The following EEPD1 variants were observed in gnomAD, a reference collection of about 807,000 sequenced individuals.
EEPD1 encodes endonuclease/exonuclease/phosphatase family domain-containing protein 1.
In EEPD1, 17 loss-of-function variants were observed where a neutral mutation model predicts 46.3. The observed-to-expected ratio is 0.37, with a 90% CI of 0.25 to 0.55. EEPD1 has a LOEUF of 0.55. Among genes scored for constraint, EEPD1 ranks in the 20% least tolerant of loss-of-function variants. The probability of loss-of-function intolerance (pLI) is 0.83; values close to 1 mark genes in which losing one functional copy is unlikely to be tolerated. For synonymous variants in EEPD1, 313 were observed against 315.6 expected, an observed-to-expected ratio of 0.99 and a Z score of 0.09; for missense variants, 673 against 745.6, an observed-to-expected ratio of 0.90 and a Z score of 1.13.
chr7:36,173,759 A>G (rs1462517090), intron 2 of EEPD1, among the ~76,000 whole-genome samples: 1 of 152,188 alleles, frequency 6.6e-6, no homozygotes, highest in Non-Finnish European at 1.5e-5. Flanking sequence ...GAGGAAGAAC[A>G]TGGCTTGAGA....
intron 3 of EEPD1, among the ~76,000 whole-genome samples, chr7:36,279,495 C>A (rs1018972247): frequency 2.0e-5 from 3 of 152,186 alleles, no homozygotes; most frequent in African/African-American, 7.2e-5. Context: ...ACAAATAAAG[C>A]AATGTGAGGG....
chr7:36,171,660 C>CT (rs2115629464), intron 2 of EEPD1, among the ~76,000 whole-genome samples: 1 of 152,306 alleles, frequency 6.6e-6, no homozygotes, highest in South Asian at 2.1e-4. Context: ...CAAAATAGAT[C>CT]TTTATCTTTG....
In EEPD1 at chr7:36,284,678, C is replaced by T. The variant is rs372044928; in HGVS notation, c.1042-8C>T. Reference sequence around the variant, plus strand: ...GGCACCAAGACTCTGTCTCCCTCTCCGCTGCAGGGAGCTGGGTATGCAGGA... The same window carrying T: ...GGCACCAAGACTCTGTCTCCCTCTCTGCTGCAGGGAGCTGGGTATGCAGGA... On this transcript the variant is annotated splice_region_variant and splice_polypyrimidine_tract_variant and intron_variant, in intron 4 of 7. Coordinates refer to ENST00000242108, the MANE Select transcript of EEPD1 (RefSeq NM_030636.3). 39 of 1,610,068 alleles carry T rather than the reference C, an allele frequency of 2.4e-5. No homozygotes were observed. The highest frequency in any genetic ancestry group is 1.6e-4 in the East Asian group (7 of 44,338).
At chr7:36,168,632 C>T (rs1171046655) in intron 2 of EEPD1, among the ~76,000 whole-genome samples, 1 of 149,474 alleles carries the variant, frequency 6.7e-6, no homozygotes, top group Non-Finnish European at 1.5e-5. Flanking sequence ...GTGGCAGGCA[C>T]CTGCAGTCCC....
intron 2 of EEPD1, among the ~76,000 whole-genome samples, chr7:36,187,999 T>C (rs1785391679): frequency 6.6e-6 from 1 of 152,180 alleles, no homozygotes; most frequent in Non-Finnish European, 1.5e-5. Context: ...GGTTTCACCA[T>C]GTTGGTCAGG....
chr7:36,299,130 G>C lies in EEPD1; in HGVS notation c.1634G>C (p.Ser545Thr). 1 of 1,611,570 alleles carries C rather than the reference G, an allele frequency of 6.2e-7. No individual in the cohort carries two copies. Among genetic ancestry groups the C allele is most frequent in the Non-Finnish European group, 8.5e-7 (1 of 1,177,908 alleles). ...LAEFYTEKDW[S>T]KKDAPRNGSG... ...GAGTTCTACACTGAAAAGGACTGGA[G>C]CAAGAAGGATGCCCCTCGGAACGGC... The change falls in exon 8 of 8, where the codon AGC becomes ACC. Residue 545 changes from serine (S) to threonine (T), a missense_variant. Transcript: ENST00000242108.
chr7:36,176,842 A>C (rs1785187839), intron 2 of EEPD1, among the ~76,000 whole-genome samples: 1 of 152,236 alleles, frequency 6.6e-6, no homozygotes, highest in Non-Finnish European at 1.5e-5. Context: ...CATATGGCAT[A>C]AAGTTATACA....
At position 36,299,554 on chromosome 7, in the gene EEPD1, C is replaced by T. The variant is rs910253267; in HGVS notation, c.*348C>T. 25 of 310,832 alleles carry T rather than the reference C, an allele frequency of 8.0e-5. No homozygotes were observed. Among genetic ancestry groups the T allele is most frequent in the African/African-American group, 4.7e-4 (22 of 47,112 alleles). 19.3% of individuals were successfully genotyped at this position (310,832 alleles called of 1,614,324 possible). On this transcript the variant is annotated 3_prime_UTR_variant, in exon 8 of 8. Transcript: ENST00000242108. ...CAGAGGGAGGAGAAGAAGGGGTGCT[C>T]AGGCTGCGGGCCACAGTCCAGCAGC...
Position 36,299,190 on chromosome 7 carries a change from T to G in EEPD1, c.1694T>G (p.Ile565Ser). 1 of 1,614,018 alleles carries G rather than the reference T, an allele frequency of 6.2e-7. No individual in the cohort carries two copies. Among genetic ancestry groups the G allele is most frequent in the Non-Finnish European group, 8.5e-7 (1 of 1,179,976 alleles). The change falls in exon 8 of 8, where the codon ATC (isoleucine) becomes AGC (serine). Residue 565 changes from isoleucine (I) to serine (S), a missense_variant. Ile to Ser is a moderately radical substitution (Grantham distance 142). Coordinates refer to ENST00000242108, the MANE Select transcript of EEPD1 (RefSeq NM_030636.3). ...GVALERSEAN[I>S]KHER ...GCCTTGGAGCGAAGTGAAGCCAACA[T>G]CAAGCACGAGCGATGATGACACCAA...
At chr7:36,259,597 T>A (rs1020344700) in intron 3 of EEPD1, among the ~76,000 whole-genome samples, 1 of 152,000 alleles carries the variant, frequency 6.6e-6, no homozygotes, top group Non-Finnish European at 1.5e-5. Context: ...GCAGCCTCAA[T>A]CTCCTGGGCT....
At chr7:36,288,656 G>C (rs1056142355) in intron 6 of EEPD1, among the ~76,000 whole-genome samples, 1 of 152,026 alleles carries the variant, frequency 6.6e-6, no homozygotes, top group African/African-American at 2.4e-5. Context: ...CAGATATTCA[G>C]GAGGTTGAGG....
At chr7:36,210,449 A>AT (rs996128267) in intron 2 of EEPD1, among the ~76,000 whole-genome samples, 6 of 152,000 alleles carry the variant, frequency 3.9e-5, no homozygotes, top group Non-Finnish European at 7.4e-5. Flanking sequence ...TAGCGAGAGG[A>AT]TTTTTTTTCA....
At chr7:36,169,640 C>T (rs940015245) in intron 2 of EEPD1, among the ~76,000 whole-genome samples, 1 of 152,212 alleles carries the variant, frequency 6.6e-6, no homozygotes, top group African/African-American at 2.4e-5. Flanking sequence ...CCCTCTTCCC[C>T]TCTTCCTCGC....
chr7:36,285,393 A>G (rs1208089292), intron 5 of EEPD1, among the ~76,000 whole-genome samples: 1 of 152,118 alleles, frequency 6.6e-6, no homozygotes, highest in Non-Finnish European at 1.5e-5. Context: ...GGGATTCAGG[A>G]GGAGCTCTGG....
chr7:36,210,976 C>T (rs947381154), intron 2 of EEPD1, among the ~76,000 whole-genome samples: 9 of 152,150 alleles, frequency 5.9e-5, no homozygotes, highest in Non-Finnish European at 1.3e-4. Context: ...GCTGTGTGCC[C>T]ATCTAGGCAT....
chr7:36,289,377 G>C (rs574433309), intron 6 of EEPD1, among the ~76,000 whole-genome samples: 1 of 152,126 alleles, frequency 6.6e-6, no homozygotes, highest in Non-Finnish European at 1.5e-5. Flanking sequence ...TCTACCTTCT[G>C]TCTCTGTGAT....
intron 5 of EEPD1, 31 bp from the exon 6 acceptor site, chr7:36,287,608 T>C: frequency 6.2e-7 from 1 of 1,607,154 alleles, no homozygotes; most frequent in South Asian, 1.1e-5. Context: ...CTTCTGAGCC[T>C]CTCCCTGTTG....
At chr7:36,235,664 A>T (rs939498793) in intron 2 of EEPD1, among the ~76,000 whole-genome samples, 1 of 152,246 alleles carries the variant, frequency 6.6e-6, no homozygotes, top group Non-Finnish European at 1.5e-5. Context: ...ATGTTTGGAA[A>T]ACAAATGAGT....
chr7:36,198,958 G>A (rs1053777820), intron 2 of EEPD1, among the ~76,000 whole-genome samples: 9 of 152,048 alleles, frequency 5.9e-5, no homozygotes, highest in Non-Finnish European at 1.0e-4. Flanking sequence ...ACAGGGAGGG[G>A]TGGACCACCG....
Sources: gnomAD v4.1 joint callset for allele counts (sites outside exome capture counted in the v4.1 genomes callset) on GRCh38, gnomAD v4.1.1 for gene constraint, MANE v1.5 for transcripts, NCBI Gene and HGNC (gene_info 2026-07-23, HGNC 2026-07-21) for gene names.